The following IL33 variants were observed in gnomAD, a reference collection of about 807,000 sequenced individuals.
IL33 encodes interleukin 33, also known as interleukin-33.
A neutral mutation model predicts 27.3 loss-of-function variants in IL33; 37 were observed. That is an observed-to-expected ratio of 1.36 (90% confidence interval 1.04 to 1.78). IL33 has a LOEUF of 1.78. IL33 is among the 40% of genes most tolerant of loss of function. The probability of loss-of-function intolerance (pLI) is 0.00; values close to 1 mark genes in which losing one functional copy is unlikely to be tolerated. For missense variants in IL33, 406 were observed against 311.4 expected (o/e 1.30, Z -2.29); for synonymous variants, 132 against 102.9 (o/e 1.28, Z -1.71).
chr9:6,246,731 C>T (rs968114708), intron 2 of IL33, among the ~76,000 whole-genome samples: 1 of 152,120 alleles, frequency 6.6e-6, no homozygotes, highest in African/African-American at 2.4e-5. Context: ...CTTTCTTTGC[C>T]TCATGTGCAC....
chr9:6,243,102 A>T (rs1234741171), intron 2 of IL33, among the ~76,000 whole-genome samples: 1 of 152,188 alleles, frequency 6.6e-6, no homozygotes, highest in Non-Finnish European at 1.5e-5. Context: ...ACCTCCCACA[A>T]GGCCCCACCT....
intron 1 of IL33, among the ~76,000 whole-genome samples, chr9:6,231,830 G>T (rs1818943068): frequency 6.6e-6 from 1 of 152,108 alleles, no homozygotes; most frequent in African/African-American, 2.4e-5. Context: ...ATTCCCAGTT[G>T]TGTCTCTTTT....
intron 2 of IL33, among the ~76,000 whole-genome samples, chr9:6,248,955 G>A (rs886815033): frequency 3.3e-5 from 5 of 152,136 alleles, no homozygotes; most frequent in Non-Finnish European, 7.4e-5. Flanking sequence ...TAATACAACA[G>A]TCAGTAAAGT....
At chr9:6,246,808 C>T (rs1819884929) in intron 2 of IL33, among the ~76,000 whole-genome samples, 2 of 152,158 alleles carry the variant, frequency 1.3e-5, no homozygotes, top group African/African-American at 4.8e-5. Context: ...AGCTACAGCC[C>T]CTCAATCTTG....
chr9:6,248,817 A>G (rs112314039), intron 2 of IL33, among the ~76,000 whole-genome samples: 10,535 of 151,870 alleles, frequency 0.069, 1,186 homozygotes, highest in African/African-American at 0.24. Flanking sequence ...AGCCTCAAGC[A>G]ATTTTCTTGC....
In IL33 at chr9:6,255,975, A is replaced by C. The variant is rs1367531006; in HGVS notation, c.620A>C (p.Lys207Thr). Residue 207 changes from lysine (K) to threonine (T), a missense_variant, in exon 8 of 8, where the codon AAG becomes ACG. By Grantham distance (78) the Lys-to-Thr change is moderately conservative. Coordinates refer to ENST00000682010, the MANE Select transcript of IL33 (RefSeq NM_033439.4). ...TCTCTCTTGTTTCCTCAGCTCCATA[A>C]GTGTGAAAAACCACTGCCAGACCAG... ...NNKEHSVELH[K>T]CEKPLPDQAF... 1 of 1,613,292 alleles carries C rather than the reference A, an allele frequency of 6.2e-7. No homozygotes were observed. Among genetic ancestry groups the C allele is most frequent in the East Asian group, 2.2e-5 (1 of 44,862 alleles).
In IL33 at chr9:6,240,540, T is replaced by C. The variant is rs1332505150; in HGVS notation, c.-11-1144T>C. On this transcript the variant is annotated intron_variant, in intron 1 of 7. Transcript: ENST00000682010. ...AGTGGTATTTGTGTATCTAAACATA[T>C]CTAAACACAGAAAAAGTAAAGTAAA... Among the ~76,000 whole-genome samples the C allele has an allele frequency of 2.0e-5, 3 of 152,178 alleles. No homozygotes were observed. In the East Asian group the frequency reaches 5.8e-4, roughly 29 times the overall value.
chr9:6,218,219 A>C (rs1818232716), intron 1 of IL33, among the ~76,000 whole-genome samples: 1 of 152,168 alleles, frequency 6.6e-6, no homozygotes, highest in Non-Finnish European at 1.5e-5. Flanking sequence ...ACCTTCTACC[A>C]ATCTTTGATT....
chr9:6,252,796 T>G, intron 4 of IL33, 70 bp from the exon 5 acceptor site: 1 of 1,580,274 alleles, frequency 6.3e-7, no homozygotes, highest in Non-Finnish European at 8.6e-7. Context: ...AAATGTTTTT[T>G]GAGGGAGCAT....
chr9:6,226,897 G>A (rs1818662363), intron 1 of IL33, among the ~76,000 whole-genome samples: 1 of 152,200 alleles, frequency 6.6e-6, no homozygotes. Context: ...TTTTCTGTGG[G>A]AATGTTTGGT....
rs925824292 is a variant in IL33, at chr9:6,257,762, C to T, written c.*1594C>T. 1 of 152,116 alleles carries T rather than the reference C, an allele frequency of 6.6e-6. No individual in the cohort carries two copies. The highest frequency in any genetic ancestry group is 2.4e-5 in the African/African-American group (1 of 41,436). The allele number at this position is 152,116 out of a possible 1,614,324, so 9.4% of individuals were successfully genotyped here. A position where few individuals can be genotyped will look rare whatever the true frequency, so the allele number is the denominator to read the frequency against. On this transcript the variant is annotated 3_prime_UTR_variant, in exon 8 of 8. Coordinates refer to ENST00000682010, the MANE Select transcript of IL33 (RefSeq NM_033439.4). Reference sequence around the variant, plus strand: ...ATAAAAGAGGCTGAGAATTACCATACAAGGGTATTACAACTGTAAAACAAT... The same window carrying T: ...ATAAAAGAGGCTGAGAATTACCATATAAGGGTATTACAACTGTAAAACAAT...
At chr9:6,218,656 G>A (rs888622125) in intron 1 of IL33, among the ~76,000 whole-genome samples, 8 of 120,014 alleles carry the variant, frequency 6.7e-5, no homozygotes, top group African/African-American at 2.0e-4. Flanking sequence ...CTATACATAT[G>A]TCCCCATATA....
intron 1 of IL33, among the ~76,000 whole-genome samples, chr9:6,235,514 G>A (rs1021246796): frequency 6.6e-6 from 1 of 152,128 alleles, no homozygotes; most frequent in African/African-American, 2.4e-5. Context: ...AGAAAACACT[G>A]ATTATATTTT....
At chr9:6,229,757 A>G (rs979100774) in intron 1 of IL33, among the ~76,000 whole-genome samples, 4 of 152,202 alleles carry the variant, frequency 2.6e-5, no homozygotes, top group Non-Finnish European at 4.4e-5. Context: ...AAAGATGACT[A>G]AAGCACAACC....
chr9:6,252,877 A>G lies in IL33; in HGVS notation c.355A>G (p.Ile119Val). ...ATTCTTAACAACAGGAATTTCACCT[A>G]TTACAGAGTATCTTGCTTCTCTAAG... ...HDSSITGISP[I>V]TEYLASLSTY... Residue 119 changes from isoleucine (I) to valine (V), a missense_variant, in exon 5 of 8, where the codon ATT (isoleucine) becomes GTT (valine). By Grantham distance (29) the Ile-to-Val change is conservative. Coordinates refer to ENST00000682010, the MANE Select transcript of IL33 (RefSeq NM_033439.4). 3.7e-6 allele frequency: 6 copies of G among 1,604,338 alleles called. No individual in the cohort carries two copies. The highest frequency in any genetic ancestry group is 5.1e-6 in the Non-Finnish European group (6 of 1,177,502).
At chr9:6,253,091 A>C (rs548861560) in intron 5 of IL33, 100 bp downstream of exon 5, 1 of 835,668 alleles carries the variant, frequency 1.2e-6, no homozygotes, top group Non-Finnish European at 1.8e-6. Context: ...TAACTTAGAC[A>C]TGGCAAACAG....
Position 6,251,121 on chromosome 9 carries a change from A to C in IL33, c.218-19A>C. The C allele has an allele frequency of 1.2e-6, 2 of 1,612,542 alleles. No homozygotes were observed. Among genetic ancestry groups the C allele is most frequent in the Non-Finnish European group, 1.7e-6 (2 of 1,179,138 alleles). On this transcript the variant is annotated intron_variant, in intron 3 of 7. Coordinates refer to ENST00000682010, the MANE Select transcript of IL33 (RefSeq NM_033439.4). Reference sequence around the variant, plus strand: ...GAGTGGGGATTGATGGTCTATCCCTAATCCCATCCGGTCTGCAGGTAGAAA... The same window carrying C: ...GAGTGGGGATTGATGGTCTATCCCTCATCCCATCCGGTCTGCAGGTAGAAA...
intron 2 of IL33, among the ~76,000 whole-genome samples, chr9:6,246,063 C>CAAAAAA (rs71328183): frequency 4.0e-5 from 2 of 49,598 alleles, no homozygotes; most frequent in African/African-American, 8.3e-5. Flanking sequence ...ACTCTGTCTC[C>CAAAAAA]AAAAAAAAAA....
intron 1 of IL33, among the ~76,000 whole-genome samples, chr9:6,225,060 C>A (rs1387444139): frequency 1.3e-5 from 2 of 152,158 alleles, no homozygotes; most frequent in Non-Finnish European, 2.9e-5. Context: ...GAATGCTGTG[C>A]CAGAACTGAT....
Sources: allele counts gnomAD v4.1 joint callset (sites outside exome capture counted in the v4.1 genomes callset), GRCh38; gene constraint gnomAD v4.1.1; transcripts MANE v1.5; gene names NCBI Gene and HGNC (gene_info 2026-07-23, HGNC 2026-07-21).